Variants in ZNF611 observed in about 807,000 individuals in gnomAD.
ZNF611 encodes zinc finger protein 611.
In ZNF611, 6 loss-of-function variants were observed where a neutral mutation model predicts 8.9. The observed-to-expected ratio is 0.68, with a 90% CI of 0.37 to 1.34. The LOEUF is 1.34. Ranked by LOEUF, ZNF611 falls within the 40% of genes most tolerant of loss-of-function variation. ZNF611 has a pLI of 0.02. For synonymous variants in ZNF611, 262 were observed against 279.7 expected (o/e 0.94, Z 0.63); for missense variants, 874 against 841.3 (o/e 1.04, Z -0.48).
intron 5 of ZNF611, among the ~76,000 whole-genome samples, chr19:52,707,743 T>A (rs60089708): frequency 0.015 from 2,339 of 152,046 alleles, 67 homozygotes; most frequent in African/African-American, 0.052. Context: ...GAAGTGATTC[T>A]CCTGCCTCAG....
rs768857556 is a variant in ZNF611 at position 52,705,583 on chromosome 19, A to G, written c.1472T>C (p.Phe491Ser). 5.0e-6 allele frequency: 8 copies of G among 1,613,914 alleles called. No homozygotes were observed. The highest frequency in any genetic ancestry group is 6.8e-6 in the Non-Finnish European group (8 of 1,179,992). Reference protein sequence around the residue: ...PYKCNECGKTFGQNSDLLIHK... With the variant: ...PYKCNECGKTSGQNSDLLIHK... ...AATTAAAAGATCTGAATTTTGACCAAAGGTCTTCCCACATTCATTACACTT... is the reference window on the plus strand; with the variant it reads ...AATTAAAAGATCTGAATTTTGACCAGAGGTCTTCCCACATTCATTACACTT... Residue 491 changes from phenylalanine (F) to serine (S), a missense_variant, in exon 6 of 6, where the codon TTT becomes TCT. Phe to Ser is a radical substitution (Grantham distance 155, BLOSUM62 -2). Transcript: ENST00000652185.
At chr19:52,734,085 T>C (rs2062441679) in intron 1 of ZNF611, among the ~76,000 whole-genome samples, 2 of 150,550 alleles carry the variant, frequency 1.3e-5, no homozygotes, top group South Asian at 4.2e-4. Flanking sequence ...AGTCTCCCTC[T>C]TTGCTGCCAC....
In ZNF611 at chr19:52,704,600, A is replaced by T; in HGVS notation, c.*337T>A. 6.4e-7 allele frequency: 1 copy of T among 1,574,462 alleles called. No individual in the cohort carries two copies. Among genetic ancestry groups the T allele is most frequent in the Non-Finnish European group, 8.7e-7 (1 of 1,146,492 alleles). On this transcript the variant is annotated 3_prime_UTR_variant, in exon 6 of 6. Coordinates refer to ENST00000652185, the MANE Select transcript of ZNF611 (RefSeq NM_001161499.2). ...CTGAAAAATTTGCCACATTTATTACACTTGTAAGATCTCTCTTCATTATGG... is the reference window on the plus strand; with the variant it reads ...CTGAAAAATTTGCCACATTTATTACTCTTGTAAGATCTCTCTTCATTATGG...
chr19:52,708,290 T>C (rs1431766098), intron 5 of ZNF611: 3 of 152,144 alleles, frequency 2.0e-5, no homozygotes, highest in African/African-American at 7.2e-5. Context: ...GGTCAGGAGA[T>C]TGAGACCATC....
rs113046643 is a variant in ZNF611 at position 52,706,322 on chromosome 19, G to C, written c.733C>G (p.Leu245Val). ...KSGKAFNCSS[L>V]LRKHQIPHLG... ...TGGGGTATCTGGTGTTTCCTTAAGA[G>C]TGAGCTACAATTAAAGGCTTTGCCA... The change falls in exon 6 of 6, where the codon CTC becomes GTC. Residue 245 changes from leucine to valine, a missense_variant. By Grantham distance (32) the Leu-to-Val change is conservative (BLOSUM62 1). Coordinates refer to ENST00000652185, the MANE Select transcript of ZNF611 (RefSeq NM_001161499.2). 3.1e-5 allele frequency: 50 copies of C among 1,614,028 alleles called. No individual in the cohort carries two copies. Among genetic ancestry groups the C allele is most frequent in the African/African-American group, 3.1e-4 (23 of 74,922 alleles).
chr19:52,730,391 CAAAAAAAAAAAAAAAAA>C (rs1159350274), intron 1 of ZNF611, among the ~76,000 whole-genome samples: 2 of 73,560 alleles, frequency 2.7e-5, no homozygotes, highest in South Asian at 6.3e-4. Flanking sequence ...GACTCCGTCT[CAAAAAAAAAAAAAAAAA>C]AAAAAAAAAA....
chr19:52,709,795 G>A (rs1381179759), intron 5 of ZNF611, among the ~76,000 whole-genome samples: 7 of 148,866 alleles, frequency 4.7e-5, no homozygotes, highest in East Asian at 2.0e-4. Context: ...TCAAACTCCC[G>A]GCCTCATGTG....
rs781406383 is a variant in ZNF611 at position 52,706,666 on chromosome 19, G to A, written c.389C>T (p.Thr130Ile). ...GCTACCAGTCAACTTTTTTATTTTT[G>A]TCATGGGTGCTTCAAGGCCATTTCT... ...DERNGLEAPM[T>I]KIKKLTGSTD... Residue 130 changes from threonine (T) to isoleucine (I), a missense_variant, in exon 6 of 6, where the codon ACA becomes ATA. Transcript: ENST00000652185. 16 of 1,613,448 alleles carry A rather than the reference G, an allele frequency of 9.9e-6. No homozygotes were observed. The highest frequency in any genetic ancestry group is 1.3e-5 in the African/African-American group (1 of 74,800).
At chr19:52,717,492 G>C (rs747684317) in intron 3 of ZNF611, among the ~76,000 whole-genome samples, 1 of 152,186 alleles carries the variant, frequency 6.6e-6, no homozygotes, top group Admixed American at 6.6e-5. Context: ...GGCTGGAACA[G>C]TGGAAGAGAG....
At chr19:52,732,958 T>TATTA (rs35001327) in intron 1 of ZNF611, among the ~76,000 whole-genome samples, 91,781 of 148,952 alleles carry the variant, frequency 0.62, 28,392 homozygotes, top group African/African-American at 0.64. Flanking sequence ...TGTCTCAAAA[T>TATTA]ATTAATTAAT....
rs1439054531 is a variant in ZNF611 at position 52,714,730 on chromosome 19, T to A, written c.64-589A>T. Among the ~76,000 whole-genome samples, 2 of 96,282 alleles carry A rather than the reference T, an allele frequency of 2.1e-5. 1 individual carries two copies. The highest frequency in any genetic ancestry group is 4.0e-5 in the Non-Finnish European group (2 of 49,410). The allele number at this position is 96,282 out of a possible 152,430, so 63.2% of individuals were successfully genotyped here. ...AAAACAAAAAAACAATGCCGGGCAG[T>A]GACTGTCACCTGTAATCCCAGCACT... On this transcript the variant is annotated intron_variant, in intron 4 of 5. Transcript: ENST00000652185.
At chr19:52,714,281 A>G (rs2062300160) in intron 4 of ZNF611, 140 bp from the exon 5 acceptor site, 7 of 1,470,152 alleles carry the variant, frequency 4.8e-6, no homozygotes, top group East Asian at 2.4e-5. Flanking sequence ...ATTTTTGAAT[A>G]TTTTTTCCCT....
intron 3 of ZNF611, among the ~76,000 whole-genome samples, chr19:52,723,123 G>A (rs752643001): frequency 1.3e-4 from 20 of 150,670 alleles, no homozygotes; most frequent in Non-Finnish European, 2.5e-4. Flanking sequence ...TCTAGCTCTT[G>A]TTTTCTTTTC....
intron 3 of ZNF611, among the ~76,000 whole-genome samples, chr19:52,727,036 T>C (rs913956377): frequency 7.2e-5 from 11 of 151,990 alleles, no homozygotes; most frequent in African/African-American, 2.7e-4. Context: ...CAGCTAACTT[T>C]TGTATTTTTG....
At chr19:52,733,153 T>C (rs1210291195) in intron 1 of ZNF611, among the ~76,000 whole-genome samples, 1 of 151,066 alleles carries the variant, frequency 6.6e-6, no homozygotes, top group African/African-American at 2.5e-5. Flanking sequence ...AGAATGTACA[T>C]GTCTTATAGA....
Position 52,704,212 on chromosome 19 carries a change from CTG to C in ZNF611, c.*723_*724del. 1 of 409,462 alleles carries C rather than the reference CTG, an allele frequency of 2.4e-6. No individual in the cohort carries two copies. Among genetic ancestry groups the C allele is most frequent in the Non-Finnish European group, 4.9e-6 (1 of 202,470 alleles). The allele number at this position is 409,462 out of a possible 1,614,324, so 25.4% of individuals were successfully genotyped here. Reference sequence around the variant, plus strand: ...AAGTCAACACAAACTCAAGTCAATGCTGAATTGACTCCAATGTCAATTAATGC... The same window carrying C: ...AAGTCAACACAAACTCAAGTCAATGCAATTGACTCCAATGTCAATTAATGC... On this transcript the variant is annotated 3_prime_UTR_variant, in exon 6 of 6. Transcript: ENST00000652185.
At chr19:52,713,344 C>G (rs1454702102) in intron 5 of ZNF611, among the ~76,000 whole-genome samples, 1 of 152,196 alleles carries the variant, frequency 6.6e-6, no homozygotes, top group East Asian at 1.9e-4. Context: ...ATATCTCTTA[C>G]AGGGTTGATC....
At position 52,705,891 on chromosome 19, in the gene ZNF611, A is replaced by T; in HGVS notation, c.1164T>A (p.His388Gln). 6.2e-7 allele frequency: 1 copy of T among 1,614,064 alleles called. No individual in the cohort carries two copies. Among genetic ancestry groups the T allele is most frequent in the South Asian group, 1.1e-5 (1 of 91,084 alleles). The change falls in exon 6 of 6, where the codon CAT (histidine) becomes CAA (glutamine). Residue 388 changes from histidine to glutamine, a missense_variant. Transcript: ENST00000652185. The part of the protein sequence containing the change: ...VFSRKSTIET[H>Q]KRIHTGEKPY... ...GTTTCTCTCCAGTATGAATTCTCTT[A>T]TGTGTCTCAATGGTTGATTTCCGAC...
At chr19:52,733,484 C>T (rs1324933137) in intron 1 of ZNF611, among the ~76,000 whole-genome samples, 1 of 151,734 alleles carries the variant, frequency 6.6e-6, no homozygotes, top group Non-Finnish European at 1.5e-5. Flanking sequence ...ACTTTTTTGG[C>T]GGGGGGGAGG....
Sources: allele counts gnomAD v4.1 joint callset (sites outside exome capture counted in the v4.1 genomes callset), GRCh38; gene constraint gnomAD v4.1.1; transcripts MANE v1.5; gene names NCBI Gene and HGNC (gene_info 2026-07-23, HGNC 2026-07-21).